Variants in PDXDC1 observed in about 807,000 individuals in gnomAD.
PDXDC1 encodes the protein pyridoxal dependent decarboxylase domain containing 1.
PDXDC1 carries 42 observed loss-of-function variants against 100.1 expected under a neutral mutation model. That is an observed-to-expected ratio of 0.42 (90% CI 0.33 to 0.54). PDXDC1 has a LOEUF of 0.54. Ranked by LOEUF, PDXDC1 falls within the 20% of genes least tolerant of loss-of-function variation. The pLI is 0.10. For synonymous variants in PDXDC1, 260 were observed against 371.7 expected (o/e 0.70, Z 3.46); for missense variants, 636 against 979.2 (o/e 0.65, Z 4.68).
At chr16:15,048,910 C>T (rs532184277) in intron 16 of PDXDC1, among the ~76,000 whole-genome samples, 121 of 147,462 alleles carry the variant, frequency 8.2e-4, no homozygotes, top group Non-Finnish European at 1.4e-3. Context: ...AGGCACACAC[C>T]ACCACACCTG....
chr16:15,114,941 T>C (rs1321059135), intron 16 of PDXDC1, among the ~76,000 whole-genome samples: 1 of 146,698 alleles, frequency 6.8e-6, no homozygotes, highest in African/African-American at 2.5e-5. Flanking sequence ...TTTTTTTTTT[T>C]TTTTTTTGAG....
At chr16:14,976,144 C>T (rs1245590314) in intron 1 of PDXDC1, among the ~76,000 whole-genome samples, 5 of 152,294 alleles carry the variant, frequency 3.3e-5, no homozygotes, top group African/African-American at 7.2e-5. Flanking sequence ...TTCACGGATT[C>T]CTGCTTTCGG....
intron 16 of PDXDC1, chr16:15,065,131 A>G: frequency 1.5e-6 from 2 of 1,357,018 alleles, no homozygotes; most frequent in Admixed American, 2.1e-5. Flanking sequence ...ACACCACCGC[A>G]CTCCAGCCTG....
chr16:15,002,893 G>T (rs1235068441), intron 4 of PDXDC1, among the ~76,000 whole-genome samples: 1 of 152,122 alleles, frequency 6.6e-6, no homozygotes, highest in African/African-American at 2.4e-5. Flanking sequence ...AGCATAATTC[G>T]AATTTGCAGG....
At chr16:14,976,265 A>C (rs1260732823) in intron 1 of PDXDC1, among the ~76,000 whole-genome samples, 2 of 152,272 alleles carry the variant, frequency 1.3e-5, no homozygotes, top group African/African-American at 4.8e-5. Context: ...TTCAGGAGCA[A>C]TGCTCGTGTT....
intron 16 of PDXDC1, chr16:15,133,391 C>T (rs2048201551): frequency 9.2e-7 from 1 of 1,082,428 alleles, no homozygotes; most frequent in East Asian, 2.5e-5. Context: ...CATTGCGCTG[C>T]CGTTGGGCTC....
intron 16 of PDXDC1, among the ~76,000 whole-genome samples, chr16:15,054,789 C>A (rs11075253): frequency 0.22 from 33,530 of 152,134 alleles, 4,406 homozygotes; most frequent in Middle Eastern, 0.35. Context: ...GGACACTACT[C>A]TTATCTGCCT....
At chr16:15,144,088 G>T (rs1029284887), downstream of PDXDC1, among the ~76,000 whole-genome samples, 4 of 152,028 alleles carry the variant, frequency 2.6e-5, no homozygotes, top group African/African-American at 9.7e-5. Flanking sequence ...GCCAGGCCCC[G>T]TCCTCTCCTG....
downstream of PDXDC1, among the ~76,000 whole-genome samples, chr16:15,140,209 C>T (rs1380928454): frequency 6.7e-6 from 1 of 150,136 alleles, no homozygotes; most frequent in Non-Finnish European, 1.5e-5. Flanking sequence ...CTTTGGGAGG[C>T]TGAGGCGGGC....
At chr16:15,135,061 T>C in intron 16 of PDXDC1, 1 of 566,126 alleles carries the variant, frequency 1.8e-6, no homozygotes, top group South Asian at 2.0e-5. Flanking sequence ...GTGTAGCTTT[T>C]GTCACTAGAG....
intron 16 of PDXDC1, chr16:15,071,028 C>T: frequency 1.8e-6 from 2 of 1,130,746 alleles, no homozygotes; most frequent in Non-Finnish European, 2.5e-6. Flanking sequence ...AAAAACATGC[C>T]AAAAAAAATG....
At chr16:15,085,504 G>C (rs2045880998) in intron 16 of PDXDC1, 3 of 1,114,802 alleles carry the variant, frequency 2.7e-6, no homozygotes, top group Non-Finnish European at 3.8e-6. Flanking sequence ...TTTTTGCAGA[G>C]ACAAGGTCTC....
intron 16 of PDXDC1, chr16:15,137,723 G>T: frequency 1.6e-6 from 2 of 1,217,148 alleles, no homozygotes; most frequent in Non-Finnish European, 2.3e-6. Flanking sequence ...GGCTGGGAAG[G>T]ACAGAGCTGG....
chr16:15,090,647 C>T (rs551537201), intron 16 of PDXDC1, among the ~76,000 whole-genome samples: 11 of 152,296 alleles, frequency 7.2e-5, no homozygotes, highest in African/African-American at 2.6e-4. Flanking sequence ...TTCTTGGTTT[C>T]ACACAGTGGA....
At chr16:15,034,925 A>G (rs2043311244) in intron 21 of PDXDC1, among the ~76,000 whole-genome samples, 1 of 152,212 alleles carries the variant, frequency 6.6e-6, no homozygotes, top group African/African-American at 2.4e-5. Flanking sequence ...GCAAGTGGCA[A>G]TGCAGAGACT....
chr16:15,104,368 C>G (rs1186612922), intron 16 of PDXDC1: 1 of 1,598,344 alleles, frequency 6.3e-7, no homozygotes, highest in South Asian at 1.1e-5. Flanking sequence ...AGATTATCAT[C>G]CACTGAGGGT....
chr16:15,038,588 T>C (rs200531224), downstream of PDXDC1: 406 of 1,582,602 alleles, frequency 2.6e-4, 3 homozygotes, highest in Middle Eastern at 1.5e-3. Flanking sequence ...AGTATTTGCT[T>C]GTCATCTTGG....
intron 16 of PDXDC1, chr16:15,094,625 T>G (rs2046286718): frequency 3.6e-6 from 1 of 278,998 alleles, no homozygotes; most frequent in South Asian, 3.8e-5. Context: ...GACCCAGATC[T>G]TCACGGAGGA....
chr16:15,039,008 G>A (rs146278527), downstream of PDXDC1, among the ~76,000 whole-genome samples: 186 of 152,288 alleles, frequency 1.2e-3, no homozygotes, highest in Middle Eastern at 6.8e-3. Context: ...CCTCAGAGCT[G>A]GACCTCAAAC....
Sources: allele counts gnomAD v4.1 joint callset (sites outside exome capture counted in the v4.1 genomes callset), GRCh38; gene constraint gnomAD v4.1.1; transcripts MANE v1.5; gene names NCBI Gene and HGNC (gene_info 2026-07-23, HGNC 2026-07-21).